Variants in ATG10 observed in about 807,000 individuals in gnomAD.
ATG10 encodes the protein ubiquitin-like-conjugating enzyme ATG10.
In ATG10, 30 loss-of-function variants were observed where a neutral mutation model predicts 32.1. The ratio of observed to expected loss-of-function variants is 0.94; its 90% CI spans 0.70 to 1.27. ATG10 has a LOEUF of 1.27. ATG10 is among the 50% of genes most tolerant of loss of function. The pLI is 0.00. For missense variants in ATG10, 233 were observed against 262.3 expected (o/e 0.89, Z 0.77); for synonymous variants, 87 against 91.5 (o/e 0.95, Z 0.28).
intron 3 of ATG10, among the ~76,000 whole-genome samples, chr5:82,127,303 G>C (rs1000337578): frequency 1.3e-5 from 2 of 152,052 alleles, no homozygotes; most frequent in African/African-American, 4.8e-5. Flanking sequence ...CCTGATCTTA[G>C]TTATTTCTTG....
chr5:82,163,122 A>G (rs889626084), intron 3 of ATG10, among the ~76,000 whole-genome samples: 2 of 152,220 alleles, frequency 1.3e-5, no homozygotes, highest in African/African-American at 2.4e-5. Flanking sequence ...GGTTAAAAGA[A>G]TTGATGTAAT....
chr5:82,055,976 A>G (rs1259524887), intron 2 of ATG10, among the ~76,000 whole-genome samples: 4 of 152,188 alleles, frequency 2.6e-5, no homozygotes, highest in Non-Finnish European at 4.4e-5. Flanking sequence ...TAGCCTACGT[A>G]TGTAGGAGGC....
intron 5 of ATG10, among the ~76,000 whole-genome samples, chr5:82,204,697 A>G (rs771081454): frequency 2.0e-5 from 3 of 152,194 alleles, no homozygotes; most frequent in Non-Finnish European, 4.4e-5. Flanking sequence ...TACTAGAGAT[A>G]AAAAGAAGCT....
chr5:82,112,348 G>A (rs1765647148), intron 3 of ATG10, among the ~76,000 whole-genome samples: 1 of 151,710 alleles, frequency 6.6e-6, no homozygotes, highest in Non-Finnish European at 1.5e-5. Context: ...TATATTTGAG[G>A]GGGCTTTGAA....
At chr5:82,139,267 G>A (rs377428877) in intron 3 of ATG10, among the ~76,000 whole-genome samples, 10 of 149,590 alleles carry the variant, frequency 6.7e-5, no homozygotes, top group Middle Eastern at 3.4e-3. Context: ...CCACCACCCC[G>A]TCTGGGAAGT....
intron 3 of ATG10, among the ~76,000 whole-genome samples, chr5:82,100,000 G>GTTTTGTTTTTTTTTTTTTTTTTTTTTTT (rs1765206733): frequency 3.4e-5 from 2 of 58,940 alleles, no homozygotes; most frequent in Non-Finnish European, 6.2e-5. Context: ...CTTTTTCTGT[G>GTTTTGTTTTTTTTTTTTTTTTTTTTTTT]TTTTTTTTTT....
At chr5:81,992,040 G>C (rs1201421857) in intron 2 of ATG10, 1 of 152,024 alleles carries the variant, frequency 6.6e-6, no homozygotes, top group Admixed American at 6.6e-5. Context: ...GTCCAGACTG[G>C]GGTGCAATGG....
chr5:82,110,045 C>T (rs945935558), intron 3 of ATG10, among the ~76,000 whole-genome samples: 5 of 150,816 alleles, frequency 3.3e-5, no homozygotes, highest in African/African-American at 1.2e-4. Context: ...TGAGAACATG[C>T]GGTGTTTGGT....
chr5:82,045,472 A>T (rs1763206868), intron 2 of ATG10, among the ~76,000 whole-genome samples: 1 of 152,260 alleles, frequency 6.6e-6, no homozygotes, highest in Non-Finnish European at 1.5e-5. Flanking sequence ...TAAGGTGTGT[A>T]TGCCTTTGGG....
chr5:82,128,458 C>G (rs1428288397), intron 3 of ATG10, among the ~76,000 whole-genome samples: 1 of 151,944 alleles, frequency 6.6e-6, no homozygotes, highest in Non-Finnish European at 1.5e-5. Flanking sequence ...GTGCTTACTT[C>G]AGGAGCTCTT....
At chr5:81,999,717 C>G (rs1292318651) in intron 2 of ATG10, among the ~76,000 whole-genome samples, 1 of 151,800 alleles carries the variant, frequency 6.6e-6, no homozygotes, top group Non-Finnish European at 1.5e-5. Context: ...ATTGACCACA[C>G]AGAAATACAA....
Position 82,255,192 on chromosome 5 carries a change from C to T in ATG10, c.*1129C>T, listed in dbSNP as rs1561382345. ...TCATGTCCCTGAGACTTATTTTCCT[C>T]ATCTTTAATTTGAAACTAACAAGCT... is the stretch of plus-strand genomic sequence containing the variant. On this transcript the variant is annotated 3_prime_UTR_variant, in exon 8 of 8. Transcript: ENST00000282185. 6.6e-6 allele frequency: 1 copy of T among 152,162 alleles called. No homozygotes were observed. Among genetic ancestry groups the T allele is most frequent in the Non-Finnish European group, 1.5e-5 (1 of 68,028 alleles). 9.4% of individuals were successfully genotyped at this position (152,162 alleles called of 1,614,324 possible). A position where few individuals can be genotyped will look rare whatever the true frequency, so the allele number is the denominator to read the frequency against.
intron 3 of ATG10, among the ~76,000 whole-genome samples, chr5:82,119,118 C>A (rs1017409751): frequency 6.6e-6 from 1 of 152,092 alleles, no homozygotes; most frequent in Non-Finnish European, 1.5e-5. Flanking sequence ...CCTATGAAAT[C>A]CAAATAAAAT....
At chr5:82,086,210 C>T (rs1764685771) in intron 3 of ATG10, among the ~76,000 whole-genome samples, 1 of 152,084 alleles carries the variant, frequency 6.6e-6, no homozygotes, top group South Asian at 2.1e-4. Flanking sequence ...ATTATCCTTA[C>T]TTTCAAAAAA....
At chr5:82,069,643 GTTAGAACTATCTAGAAT>G (rs1764057559) in intron 3 of ATG10, among the ~76,000 whole-genome samples, 1 of 152,032 alleles carries the variant, frequency 6.6e-6, no homozygotes, top group Non-Finnish European at 1.5e-5. Flanking sequence ...ATTTTTCTGG[GTTAGAACTATCTAGAAT>G]TTCTTCTCTC....
intron 3 of ATG10, among the ~76,000 whole-genome samples, chr5:82,091,413 G>A (rs1054093416): frequency 1.7e-4 from 26 of 152,008 alleles, no homozygotes; most frequent in African/African-American, 6.0e-4. Flanking sequence ...CAATTCAGTG[G>A]CTTCATGATA....
rs898961848 is a variant in ATG10 at position 82,248,977 on chromosome 5, A to G, written c.454-3585A>G. On this transcript the variant is annotated intron_variant, in intron 5 of 7. Coordinates refer to ENST00000282185, the MANE Select transcript of ATG10 (RefSeq NM_031482.5). ...TTTAAAGATGGCCAAACCTGCATTA[A>G]AGAAATGCTTAAGCTATTCTAAAAG... Among the ~76,000 whole-genome samples, 11 of 152,030 alleles carry G rather than the reference A, an allele frequency of 7.2e-5. No homozygotes were observed. In the East Asian group the frequency reaches 1.7e-3, roughly 24 times the overall value.
chr5:82,038,313 G>A (rs1449376719), intron 2 of ATG10, among the ~76,000 whole-genome samples: 2 of 152,214 alleles, frequency 1.3e-5, no homozygotes, highest in South Asian at 2.1e-4. Flanking sequence ...AAGGGAGAGA[G>A]CATTTATCCA....
At chr5:82,197,152 T>G (rs1010614203) in intron 5 of ATG10, among the ~76,000 whole-genome samples, 1 of 152,204 alleles carries the variant, frequency 6.6e-6, no homozygotes, top group East Asian at 1.9e-4. Flanking sequence ...TTTTTGATGC[T>G]GTTGTGAATG....
Sources: allele counts gnomAD v4.1 joint callset (sites outside exome capture counted in the v4.1 genomes callset), GRCh38; gene constraint gnomAD v4.1.1; transcripts MANE v1.5; gene names NCBI Gene and HGNC (gene_info 2026-07-23, HGNC 2026-07-21).